PRKD3: variants seen among roughly 807,000 people sequenced by gnomAD.
PRKD3 encodes the protein serine/threonine-protein kinase D3.
PRKD3 carries 47 observed loss-of-function variants against 99.2 expected under a neutral mutation model. The ratio of observed to expected loss-of-function variants is 0.47; its 90% CI spans 0.38 to 0.60. PRKD3 has a LOEUF of 0.60. PRKD3 is among the 20% of genes least tolerant of loss of function. The pLI, the probability that PRKD3 is intolerant of heterozygous loss-of-function variation, is 0.00. For synonymous variants in PRKD3, 392 were observed against 355.4 expected (o/e 1.10, Z -1.16); for missense variants, 1,019 against 1,088.4 (o/e 0.94, Z 0.90).
chr2:37,289,839 T>C (rs1670313797), intron 4 of PRKD3, among the ~76,000 whole-genome samples: 2 of 152,184 alleles, frequency 1.3e-5, no homozygotes, highest in South Asian at 2.1e-4. Flanking sequence ...CCCAGCAAAG[T>C]GTGTTTTACG....
intron 1 of PRKD3, 60 bp downstream of exon 1, chr2:37,324,621 G>A: frequency 6.6e-6 from 1 of 151,750 alleles, no homozygotes; most frequent in East Asian, 2.0e-4. Context: ...ACAAAGCGGC[G>A]GCGGCGGCGG....
chr2:37,287,262 A>AAAAAAAAAAAAAG (rs1670155965), intron 5 of PRKD3, among the ~76,000 whole-genome samples: 1 of 80,394 alleles, frequency 1.2e-5, no homozygotes, highest in African/African-American at 5.3e-5. Flanking sequence ...AAAAAAAAAA[A>AAAAAAAAAAAAAG]AAAAAGAAAA....
chr2:37,308,570 T>C (rs900319929), intron 2 of PRKD3, among the ~76,000 whole-genome samples: 5 of 112,600 alleles, frequency 4.4e-5, no homozygotes, highest in South Asian at 6.6e-4. Context: ...TTCTCCTGCC[T>C]CAGCCTCCCG....
chr2:37,254,136 T>G (rs1273205702), intron 18 of PRKD3, 68 bp downstream of exon 18: 1 of 1,160,868 alleles, frequency 8.6e-7, no homozygotes, highest in African/African-American at 1.5e-5. Flanking sequence ...GTGGTCTCAT[T>G]AGGTGGGACA....
intron 1 of PRKD3, among the ~76,000 whole-genome samples, chr2:37,323,749 AT>A (rs1317142467): frequency 8.5e-5 from 13 of 152,226 alleles, no homozygotes; most frequent in Non-Finnish European, 1.5e-4. Flanking sequence ...TTCTTGTTCC[AT>A]TTGTGGCTAT....
At chr2:37,277,020 C>A (rs537887727) in intron 9 of PRKD3, among the ~76,000 whole-genome samples, 2 of 151,922 alleles carry the variant, frequency 1.3e-5, no homozygotes, top group Non-Finnish European at 2.9e-5. Context: ...AAATAAAACA[C>A]ATACACACTG....
chr2:37,321,571 A>C (rs1671885048), intron 1 of PRKD3, among the ~76,000 whole-genome samples: 1 of 152,250 alleles, frequency 6.6e-6, no homozygotes, highest in African/African-American at 2.4e-5. Flanking sequence ...CTTAATTAGT[A>C]CTTATTATTT....
chr2:37,303,194 C>T (rs1443043760), intron 2 of PRKD3, among the ~76,000 whole-genome samples: 1 of 152,064 alleles, frequency 6.6e-6, no homozygotes, highest in African/African-American at 2.4e-5. Flanking sequence ...AGATTACCTG[C>T]CCGTCCCGTC....
rs572121838 is a variant in PRKD3, at chr2:37,269,340, C to A, written c.1777+275G>T. The A allele has an allele frequency of 3.3e-4, 130 of 399,392 alleles. No individual in the cohort carries two copies. In the Middle Eastern group the frequency reaches 4.5e-3, roughly 14 times the overall value. 24.7% of individuals were successfully genotyped at this position (399,392 alleles called of 1,614,324 possible). A position where few individuals can be genotyped will look rare whatever the true frequency, so the allele number is the denominator to read the frequency against. ...ACATAAACTTCAAACCATCTCCCCC[C>A]CTGCCTCCGACAAACATCTGTATGT... On this transcript the variant is annotated intron_variant, in intron 13 of 18. Transcript: ENST00000234179.
intron 2 of PRKD3, among the ~76,000 whole-genome samples, chr2:37,315,050 C>T (rs951750361): frequency 2.6e-5 from 4 of 151,846 alleles, no homozygotes; most frequent in African/African-American, 7.3e-5. Context: ...CTATATAAAG[C>T]GTAAAGAATT....
intron 2 of PRKD3, among the ~76,000 whole-genome samples, chr2:37,301,692 A>C (rs1670938749): frequency 6.6e-6 from 1 of 152,204 alleles, no homozygotes; most frequent in Admixed American, 6.5e-5. Context: ...ATTCTTCAAA[A>C]TACAATTCTT....
rs750650965 is a variant in PRKD3 at position 37,293,290 on chromosome 2, A to T, written c.289-19T>A. On this transcript the variant is annotated intron_variant, in intron 2 of 18. Transcript: ENST00000234179. ...CTGGAAACTGAGGGATAATAGTCCT[A>T]TATCAGTATGACCACAGTTTTCTAT... is the stretch of plus-strand genomic sequence containing the variant. 4 of 1,552,392 alleles carry T rather than the reference A, an allele frequency of 2.6e-6. No homozygotes were observed. Among genetic ancestry groups the T allele is most frequent in the Non-Finnish European group, 3.5e-6 (4 of 1,136,320 alleles).
chr2:37,277,735 T>C, intron 9 of PRKD3, 131 bp downstream of exon 9: 1 of 916,166 alleles, frequency 1.1e-6, no homozygotes, highest in Non-Finnish European at 1.5e-6. Context: ...TTCCAGTGCA[T>C]CTTTTACAAA....
chr2:37,324,287 C>T, intron 1 of PRKD3: 1 of 937,172 alleles, frequency 1.1e-6, no homozygotes, highest in Non-Finnish European at 1.3e-6. Context: ...GGTCTGGCTT[C>T]GGGAACTAGT....
chr2:37,262,494 G>GT (rs2148503142), intron 14 of PRKD3, among the ~76,000 whole-genome samples: 1 of 152,258 alleles, frequency 6.6e-6, no homozygotes, highest in Non-Finnish European at 1.5e-5. Flanking sequence ...TTATGAGATC[G>GT]TTTTCCAAGC....
chr2:37,276,457 G>T (rs1025027275), intron 9 of PRKD3, among the ~76,000 whole-genome samples: 2 of 151,980 alleles, frequency 1.3e-5, no homozygotes, highest in African/African-American at 2.4e-5. Context: ...AGAGTCATTT[G>T]TATTTCCTGT....
At chr2:37,286,834 A>G (rs760354090) in intron 5 of PRKD3, among the ~76,000 whole-genome samples, 4 of 152,234 alleles carry the variant, frequency 2.6e-5, no homozygotes, top group Non-Finnish European at 4.4e-5. Flanking sequence ...AATGGCAGAT[A>G]CAAAACTAAT....
At chr2:37,286,996 C>T (rs1269028495) in intron 5 of PRKD3, among the ~76,000 whole-genome samples, 2 of 151,594 alleles carry the variant, frequency 1.3e-5, no homozygotes, top group Admixed American at 6.6e-5. Context: ...TTTGGGAGGC[C>T]GAGGTGGGCG....
rs1003061131 is a variant in PRKD3, at chr2:37,257,526, C to T, written c.2146-597G>A. ...TGAAGATACAAAAAAATTAGCCTGGCGTGGTGGCGGGTGCCTGTAGTCCCA... is the reference window on the plus strand; with the variant it reads ...TGAAGATACAAAAAAATTAGCCTGGTGTGGTGGCGGGTGCCTGTAGTCCCA... On this transcript the variant is annotated intron_variant, in intron 16 of 18. Transcript: ENST00000234179. Among the ~76,000 whole-genome samples, 10 of 151,696 alleles carry T rather than the reference C, an allele frequency of 6.6e-5. No homozygotes were observed. In the East Asian group the frequency reaches 9.7e-4, roughly 15 times the overall value.
Sources: gnomAD v4.1 joint callset for allele counts (sites outside exome capture counted in the v4.1 genomes callset) on GRCh38, gnomAD v4.1.1 for gene constraint, MANE v1.5 for transcripts, NCBI Gene and HGNC (gene_info 2026-07-23, HGNC 2026-07-21) for gene names.